The following NASP variants were observed in gnomAD, a reference collection of about 807,000 sequenced individuals.
NASP encodes NASP histone chaperone.
A neutral mutation model predicts 89.5 loss-of-function variants in NASP; 24 were observed. That is an observed-to-expected ratio of 0.27 (90% CI 0.19 to 0.38). NASP has a LOEUF of 0.38. Ranked by LOEUF, NASP falls within the 10% of genes least tolerant of loss-of-function variation. NASP has a pLI of 1.00. For synonymous variants in NASP, 306 were observed against 324.7 expected (o/e 0.94, Z 0.62); for missense variants, 848 against 921.4 (o/e 0.92, Z 1.03).
Position 45,614,289 on chromosome 1 carries a change from T to C in NASP, c.1593-4T>C. 2 of 1,613,786 alleles carry C rather than the reference T, an allele frequency of 1.2e-6. No homozygotes were observed. Among genetic ancestry groups the C allele is most frequent in the Non-Finnish European group, 1.7e-6 (2 of 1,179,702 alleles). Reference sequence around the variant, plus strand: ...AGGTTTTTGATCAATTTTCCTTCTTTTAGGCAAGAAACAAAAGAAGCACAG... The same window carrying C: ...AGGTTTTTGATCAATTTTCCTTCTTCTAGGCAAGAAACAAAAGAAGCACAG... On this transcript the variant is annotated splice_region_variant and splice_polypyrimidine_tract_variant and intron_variant, in intron 8 of 14. Coordinates refer to ENST00000350030, the MANE Select transcript of NASP (RefSeq NM_002482.4).
chr1:45,593,728 G>C (rs1407480879), intron 2 of NASP, among the ~76,000 whole-genome samples: 2 of 150,868 alleles, frequency 1.3e-5, no homozygotes, highest in Non-Finnish European at 3.0e-5. Context: ...TGCTTGGCTG[G>C]GTGTGGTAGC....
intron 5 of NASP, 194 bp from the exon 6 acceptor site, chr1:45,607,127 C>G (rs1237628638): frequency 3.4e-6 from 2 of 594,770 alleles, no homozygotes; most frequent in Middle Eastern, 4.5e-4. Flanking sequence ...GCTTGGGTTT[C>G]TTTTGCAGTA....
Position 45,616,396 on chromosome 1 carries a change from G to A in NASP, c.2079+3G>A, listed in dbSNP as rs763202666. 6.2e-7 allele frequency: 1 copy of A among 1,613,942 alleles called. No individual in the cohort carries two copies. The highest frequency in any genetic ancestry group is 1.3e-5 in the African/African-American group (1 of 75,046). ...GAGGAGGCTCTTCAGTCTCCATGGT[G>A]CGTATTCAGGTGGTTTTTTGGTCAC... is the stretch of plus-strand genomic sequence containing the variant. On this transcript the variant is annotated splice_donor_region_variant and intron_variant, in intron 12 of 14. Transcript: ENST00000350030.
At chr1:45,615,721 A>G in intron 11 of NASP, 1 of 440,190 alleles carries the variant, frequency 2.3e-6, no homozygotes. Flanking sequence ...AAATGGGGAT[A>G]ATACAGGTTG....
rs183714042 is a variant in NASP at position 45,593,533 on chromosome 1, C to A, written c.107+2263C>A. 6.7e-3 allele frequency among the ~76,000 whole-genome samples: 959 copies of A among 142,162 alleles called. 5 individuals carry two copies. The highest frequency in any genetic ancestry group is 9.8e-3 in the Non-Finnish European group (642 of 65,348). The allele number at this position is 142,162 out of a possible 152,430, so 93.3% of individuals were successfully genotyped here. The stretch of plus-strand genomic sequence containing the variant: ...GGGTGACAGAGTGAGACTGTCCCCC[C>A]CCAAAAAAAAAAAAAAAAAAAACTC... On this transcript the variant is annotated intron_variant, in intron 2 of 14. Coordinates refer to ENST00000350030, the MANE Select transcript of NASP (RefSeq NM_002482.4).
chr1:45,602,747 A>G (rs950297351), intron 3 of NASP, among the ~76,000 whole-genome samples: 1 of 152,028 alleles, frequency 6.6e-6, no homozygotes, highest in Non-Finnish European at 1.5e-5. Flanking sequence ...CAGGCTCCCC[A>G]GTAGCTGGGA....
chr1:45,613,803 A>G (rs370330888), intron 7 of NASP, among the ~76,000 whole-genome samples: 2 of 152,144 alleles, frequency 1.3e-5, no homozygotes, highest in African/African-American at 4.8e-5. Context: ...CATGATTATT[A>G]TAGATAACTG....
chr1:45,613,652 G>C (rs1244367968), intron 7 of NASP, among the ~76,000 whole-genome samples: 1 of 152,068 alleles, frequency 6.6e-6, no homozygotes, highest in Non-Finnish European at 1.5e-5. Flanking sequence ...TGGCTAATTT[G>C]TTCTCTAATT....
At position 45,618,170 on chromosome 1, in the gene NASP, A is replaced by G. The variant is rs1256840347; in HGVS notation, c.*29A>G. On this transcript the variant is annotated 3_prime_UTR_variant, in exon 15 of 15. Transcript: ENST00000350030. ...GGGGCACAGCCCTCCTCCCAAGGGAAAGTGTTTTTGTATATAATGTATTTT... is the reference window on the plus strand; with the variant it reads ...GGGGCACAGCCCTCCTCCCAAGGGAGAGTGTTTTTGTATATAATGTATTTT... The G allele has an allele frequency of 1.3e-6, 2 of 1,535,298 alleles. No homozygotes were observed. Among genetic ancestry groups the G allele is most frequent in the Non-Finnish European group, 1.8e-6 (2 of 1,130,370 alleles).
intron 1 of NASP, among the ~76,000 whole-genome samples, chr1:45,586,144 A>G (rs1427611534): frequency 2.3e-5 from 3 of 131,224 alleles, no homozygotes; most frequent in East Asian, 2.7e-4. Flanking sequence ...GAGCAATTAT[A>G]TGTGCTGGGT....
chr1:45,593,236 G>A (rs181601299), intron 2 of NASP, among the ~76,000 whole-genome samples: 57 of 151,984 alleles, frequency 3.8e-4, no homozygotes, highest in Admixed American at 2.6e-3. Context: ...TATTAGTTGT[G>A]TTTAGAAATA....
chr1:45,594,335 AC>A (rs1421466768), intron 2 of NASP, among the ~76,000 whole-genome samples: 3 of 151,744 alleles, frequency 2.0e-5, no homozygotes, highest in Admixed American at 6.6e-5. Context: ...AAAAAAAAAA[AC>A]AAACAACAAC....
chr1:45,616,657 C>T lies in NASP; in HGVS notation c.2111C>T (p.Ser704Phe). ...IASRKPTDGA[S>F]SSNCVTDISH... is the part of the protein sequence containing the mutation. ...AGTAGAAAGCCAACAGACGGTGCTT[C>T]CTCATCAAATTGTGTGACTGATATT... is the stretch of plus-strand genomic sequence containing the variant. The change falls in exon 13 of 15, where the codon TCC becomes TTC. Residue 704 changes from serine to phenylalanine, a missense_variant. Coordinates refer to ENST00000350030, the MANE Select transcript of NASP (RefSeq NM_002482.4). 1.2e-6 allele frequency: 2 copies of T among 1,614,152 alleles called. No individual in the cohort carries two copies. Among genetic ancestry groups the T allele is most frequent in the South Asian group, 1.1e-5 (1 of 91,082 alleles).
chr1:45,586,262 GTGTGTGTGTGTGTGTGTGTGTGGT>G (rs1366036593), intron 1 of NASP, among the ~76,000 whole-genome samples: 36 of 67,616 alleles, frequency 5.3e-4, no homozygotes, highest in South Asian at 2.8e-3. Flanking sequence ...GTGTGTGTGT[GTGTGTGTGTGTGTGTGTGTGTGGT>G]GTGTGTGTGT....
chr1:45,614,319 A>G lies in NASP; in HGVS notation c.1619A>G (p.Tyr540Cys). The G allele has an allele frequency of 1.2e-6, 2 of 1,613,916 alleles. No individual in the cohort carries two copies. Among genetic ancestry groups the G allele is most frequent in the Non-Finnish European group, 8.5e-7 (1 of 1,179,900 alleles). ...KRQETKEAQL[Y>C]AAQAHLKLGE... ...CAAGAAACAAAAGAAGCACAGCTTTATGCTGCCCAGGCACATCTTAAACTC... is the reference window on the plus strand; with the variant it reads ...CAAGAAACAAAAGAAGCACAGCTTTGTGCTGCCCAGGCACATCTTAAACTC... Residue 540 changes from tyrosine to cysteine, a missense_variant, in exon 9 of 15, where the codon TAT (tyrosine) becomes TGT (cysteine). This residue lies in a region of NASP where 60 missense variants were observed against 114.6 expected (regional missense o/e 0.52). Transcript: ENST00000350030.
intron 2 of NASP, among the ~76,000 whole-genome samples, chr1:45,596,974 C>T (rs113018113): frequency 6.6e-6 from 1 of 150,384 alleles, no homozygotes; most frequent in Non-Finnish European, 1.5e-5. Context: ...TAGAGTGAGA[C>T]GCTGTCTCAA....
At chr1:45,617,642 A>G in intron 14 of NASP, 51 bp downstream of exon 14, 1 of 1,526,204 alleles carries the variant, frequency 6.6e-7, no homozygotes, top group Non-Finnish European at 8.8e-7. Flanking sequence ...TGTTCTCAGG[A>G]CCTGGGGAAA....
Position 45,608,000 on chromosome 1 carries a change from C to T in NASP, c.1089C>T (p.Val363=), listed in dbSNP as rs1569581862. The change falls in exon 6 of 15, where the codon GTC becomes GTT. Residue 363 remains valine (V), a synonymous_variant. Transcript: ENST00000350030. ...EASAVEAGSE[V]SEKPGQEAPV... ...CAGCTGTAGAGGCTGGATCAGAAGT[C>T]TCTGAAAAGCCTGGGCAGGAGGCTC... 6.2e-7 allele frequency: 1 copy of T among 1,614,062 alleles called. No individual in the cohort carries two copies. Among genetic ancestry groups the T allele is most frequent in the Non-Finnish European group, 8.5e-7 (1 of 1,179,954 alleles).
At chr1:45,616,553 T>G in intron 12 of NASP, 73 bp from the exon 13 acceptor site, 1 of 1,553,418 alleles carries the variant, frequency 6.4e-7, no homozygotes, top group East Asian at 2.2e-5. Flanking sequence ...TCTGAAAAAC[T>G]AAAAAATTAT....
Sources: gnomAD v4.1 joint callset for allele counts (sites outside exome capture counted in the v4.1 genomes callset) on GRCh38, gnomAD v4.1.1 for gene constraint, gnomAD v4.1.1 regional missense constraint, MANE v1.5 for transcripts, NCBI Gene and HGNC (gene_info 2026-07-23, HGNC 2026-07-21) for gene names.